USP2: variants seen among roughly 807,000 people sequenced by gnomAD.
USP2 encodes ubiquitin carboxyl-terminal hydrolase 2.
A neutral mutation model predicts 72.0 loss-of-function variants in USP2; 33 were observed. That is an observed-to-expected ratio of 0.46 (90% CI 0.35 to 0.61). The LOEUF (loss-of-function observed/expected upper bound fraction) is 0.61, where lower values mean the gene tolerates loss of function less well. Ranked by LOEUF, USP2 falls within the 20% of genes least tolerant of loss-of-function variation. The pLI, the probability that USP2 is intolerant of heterozygous loss-of-function variation, is 0.01. For synonymous variants in USP2, 296 were observed against 312.5 expected (o/e 0.95, Z 0.56); for missense variants, 691 against 797.8 (o/e 0.87, Z 1.61).
chr11:119,363,755 TC>T, intron 2 of USP2: 1 of 973,774 alleles, frequency 1.0e-6, no homozygotes, highest in South Asian at 2.6e-5. Context: ...GAAGAATCCG[TC>T]CCCTCACCTA....
intron 1 of USP2, among the ~76,000 whole-genome samples, chr11:119,375,809 C>T (rs1048358694): frequency 1.3e-5 from 2 of 152,158 alleles, no homozygotes; most frequent in Non-Finnish European, 2.9e-5. Context: ...GCCCCAAGCC[C>T]GTGACATCCC....
rs756703374 is a variant in USP2 at position 119,357,229 on chromosome 11, C to T, written c.1688G>A (p.Arg563His). Residue 563 changes from arginine to histidine, a missense_variant, in exon 12 of 13, where the codon CGC (arginine) becomes CAC (histidine). Transcript: ENST00000260187. Reference sequence around the variant, plus strand: ...GTGCCATTCTCCTGTCCCTGGACTGCGACAGTAGGCTGTATAGTGGCCACC... The same window carrying T: ...GTGCCATTCTCCTGTCCCTGGACTGTGACAGTAGGCTGTATAGTGGCCACC... ...TMGGHYTAYC[R>H]SPGTGEWHTF... The T allele has an allele frequency of 4.3e-6, 7 of 1,613,626 alleles. No homozygotes were observed. Among genetic ancestry groups the T allele is most frequent in the South Asian group, 3.3e-5 (3 of 91,070 alleles).
At position 119,371,808 on chromosome 11, in the gene USP2, CCCACCCA is replaced by C. The variant is rs201877521; in HGVS notation, c.774+892_774+898del. Among the ~76,000 whole-genome samples, 1,310 of 152,286 alleles carry C rather than the reference CCCACCCA, an allele frequency of 8.6e-3. 7 individuals are homozygous for C. The highest frequency in any genetic ancestry group is 0.026 in the South Asian group (125 of 4,824). On this transcript the variant is annotated intron_variant, in intron 2 of 12. Transcript: ENST00000260187. ...CACCCGCCATCTACCCGTGTATCCA[CCCACCCA>C]CCACCCACACATCCATCCATCCATT...
At chr11:119,359,159 G>A (rs756639704) in intron 5 of USP2, 25 bp from the exon 6 acceptor site, 24 of 1,613,068 alleles carry the variant, frequency 1.5e-5, no homozygotes, top group Non-Finnish European at 2.0e-5. Flanking sequence ...AGGAGGGTGA[G>A]CAACACCTCT....
Position 119,359,073 on chromosome 11 carries a change from G to A in USP2, c.1123C>T (p.Arg375Ter). The A allele has an allele frequency of 1.2e-6, 2 of 1,614,020 alleles. No homozygotes were observed. Among genetic ancestry groups the A allele is most frequent in the Non-Finnish European group, 1.7e-6 (2 of 1,180,036 alleles). Residue 375 changes from arginine (R) to a stop codon, truncating the protein, a stop_gained, in exon 6 of 13, where the codon CGA becomes TGA. Coordinates refer to ENST00000260187, the MANE Select transcript of USP2 (RefSeq NM_004205.5). LOFTEE classifies it high-confidence loss of function. ...LLDGLHNEVN[R>*]VTLRPKSNPE... ...TTGGACTTAGGTCTCAGTGTCACTC[G>A]GTTCACCTCGTTATGGAGCCCATCC...
chr11:119,374,073 G>A (rs1950970297), intron 1 of USP2, among the ~76,000 whole-genome samples: 3 of 151,912 alleles, frequency 2.0e-5, no homozygotes, highest in East Asian at 3.9e-4. Flanking sequence ...CTCAGGGGAG[G>A]AAGTAATGGG....
Position 119,356,897 on chromosome 11 carries a change from C to T in USP2, c.1756G>A (p.Val586Met). Reference sequence around the variant, plus strand: ...AGCAGGTAGGCGTCGCTGGTGCGCACTTGGCTGGAGGACATGGGAGTGACG... The same window carrying T: ...AGCAGGTAGGCGTCGCTGGTGCGCATTTGGCTGGAGGACATGGGAGTGACG... ...SSVTPMSSSQ[V>M]RTSDAYLLFY... Residue 586 changes from valine to methionine, a missense_variant, in exon 13 of 13, where the codon GTG becomes ATG. Val to Met is a conservative substitution (Grantham distance 21, BLOSUM62 1). Coordinates refer to ENST00000260187, the MANE Select transcript of USP2 (RefSeq NM_004205.5). 1 of 1,563,834 alleles carries T rather than the reference C, an allele frequency of 6.4e-7. No homozygotes were observed. The highest frequency in any genetic ancestry group is 8.7e-7 in the Non-Finnish European group (1 of 1,154,562).
At chr11:119,363,681 G>A (rs1259437436) in intron 2 of USP2, among the ~76,000 whole-genome samples, 2 of 151,270 alleles carry the variant, frequency 1.3e-5, no homozygotes, top group Non-Finnish European at 3.0e-5. Flanking sequence ...GAGTAAGCGT[G>A]CGATCACCTG....
intron 2 of USP2, among the ~76,000 whole-genome samples, chr11:119,362,219 G>A (rs540798267): frequency 1.3e-5 from 2 of 152,206 alleles, no homozygotes; most frequent in South Asian, 4.2e-4. Context: ...ATGGGAAAAC[G>A]GAGTCATCTG....
intron 1 of USP2, among the ~76,000 whole-genome samples, chr11:119,374,551 T>A (rs1950975774): frequency 6.6e-6 from 1 of 152,202 alleles, no homozygotes; most frequent in Non-Finnish European, 1.5e-5. Context: ...GAGCCAGGAC[T>A]GGAATCCAGG....
At chr11:119,367,033 A>G (rs1303493613) in intron 2 of USP2, among the ~76,000 whole-genome samples, 1 of 152,216 alleles carries the variant, frequency 6.6e-6, no homozygotes. Flanking sequence ...CTGCTGCAGG[A>G]CACGGCCACA....
intron 2 of USP2, among the ~76,000 whole-genome samples, chr11:119,368,443 C>T (rs1950883531): frequency 6.6e-6 from 1 of 152,216 alleles, no homozygotes; most frequent in Non-Finnish European, 1.5e-5. Flanking sequence ...CTGCTATCCG[C>T]AATTTGTTCT....
Position 119,381,671 on chromosome 11 carries a change from G to A in USP2, c.-240C>T. The A allele has an allele frequency of 1.0e-6, 1 of 968,980 alleles. No homozygotes were observed. Among genetic ancestry groups the A allele is most frequent in the Non-Finnish European group, 1.6e-6 (1 of 638,532 alleles). 60.0% of individuals were successfully genotyped at this position (968,980 alleles called of 1,614,324 possible). A position where few individuals can be genotyped will look rare whatever the true frequency, so the allele number is the denominator to read the frequency against. The stretch of plus-strand genomic sequence containing the variant: ...CCGGGAAATCGGCGCCACCCAGCGG[G>A]CAGCCGCCTCATCGCGCCTGGGCCG... On this transcript the variant is annotated 5_prime_UTR_variant, in exon 1 of 13. Coordinates refer to ENST00000260187, the MANE Select transcript of USP2 (RefSeq NM_004205.5).
chr11:119,378,987 C>G, intron 1 of USP2: 2 of 985,402 alleles, frequency 2.0e-6, no homozygotes, highest in East Asian at 1.1e-4. Flanking sequence ...AGCTCAGATA[C>G]CAAAGGGGCA....
At chr11:119,378,425 A>T (rs1027794860) in intron 1 of USP2, among the ~76,000 whole-genome samples, 7 of 152,140 alleles carry the variant, frequency 4.6e-5, no homozygotes, top group African/African-American at 1.7e-4. Context: ...CCAGCCTGTC[A>T]CTAGGCTTTG....
intron 1 of USP2, among the ~76,000 whole-genome samples, chr11:119,375,907 G>C (rs1469546265): frequency 1.3e-5 from 2 of 152,200 alleles, no homozygotes; most frequent in Admixed American, 6.5e-5. Context: ...TGGAGCCGGA[G>C]GTGGGGCCAC....
chr11:119,363,284 ACCCGCTG>A (rs1950793047), intron 2 of USP2, among the ~76,000 whole-genome samples: 1 of 152,080 alleles, frequency 6.6e-6, no homozygotes, highest in African/African-American at 2.4e-5. Flanking sequence ...CCGCGGAGGG[ACCCGCTG>A]CCCGCTGCAT....
chr11:119,366,067 G>A (rs958912415), intron 2 of USP2, among the ~76,000 whole-genome samples: 1 of 151,848 alleles, frequency 6.6e-6, no homozygotes, highest in African/African-American at 2.4e-5. Flanking sequence ...GCTAATTTTT[G>A]TATTTTTAGT....
chr11:119,361,054 A>T (rs1284238330), intron 2 of USP2, among the ~76,000 whole-genome samples: 1 of 152,214 alleles, frequency 6.6e-6, no homozygotes, highest in East Asian at 1.9e-4. Flanking sequence ...GGAAAAACTC[A>T]AGTAAGCCTG....
Sources: allele counts gnomAD v4.1 joint callset (sites outside exome capture counted in the v4.1 genomes callset), GRCh38; gene constraint gnomAD v4.1.1; transcripts MANE v1.5; gene names NCBI Gene and HGNC (gene_info 2026-07-23, HGNC 2026-07-21).